PDZD2: variants seen among roughly 807,000 people sequenced by gnomAD.
The protein encoded by PDZD2 is PDZ domain-containing protein 2.
Under a neutral mutation model 220.7 loss-of-function variants are expected in PDZD2, and 90 were observed. The observed-to-expected ratio is 0.41, with a 90% CI of 0.34 to 0.49. PDZD2 has a LOEUF of 0.49. Ranked by LOEUF, PDZD2 falls within the 20% of genes least tolerant of loss-of-function variation. The pLI is 0.28. For missense variants in PDZD2, 3,174 were observed against 3,608.5 expected (o/e 0.88, Z 3.08); for synonymous variants, 1,375 against 1,450.5 (o/e 0.95, Z 1.18).
chr5:31,940,636 C>T (rs1467242906), intron 2 of PDZD2, among the ~76,000 whole-genome samples: 5 of 152,190 alleles, frequency 3.3e-5, no homozygotes, highest in African/African-American at 4.8e-5. Context: ...GTCAGGTAGC[C>T]TAAAGCCACA....
chr5:31,819,719 G>C (rs1370537583), intron 2 of PDZD2, among the ~76,000 whole-genome samples: 2 of 150,920 alleles, frequency 1.3e-5, no homozygotes, highest in Non-Finnish European at 3.0e-5. Flanking sequence ...GTATATGTAT[G>C]AGTATATGTA....
In PDZD2 at chr5:32,083,263, C is replaced by G. The variant is rs1030000832; in HGVS notation, c.3683-3868C>G. On this transcript the variant is annotated intron_variant, in intron 19 of 24. Coordinates refer to ENST00000438447, the MANE Select transcript of PDZD2 (RefSeq NM_178140.4). The surrounding 1 kb of genome is among the most constrained non-coding windows in gnomAD (Gnocchi z 4.1). ...AACAACCTTTTTAAACCTCATACAT[C>G]CACACGAAATAATATTTGAGCAGCC... Among the ~76,000 whole-genome samples the G allele has an allele frequency of 1.3e-5, 2 of 151,972 alleles. No individual in the cohort carries two copies. The highest frequency in any genetic ancestry group is 1.3e-4 in the Admixed American group (2 of 15,260).
Position 32,072,243 on chromosome 5 carries a change from G to A in PDZD2, c.2651G>A (p.Gly884Asp), listed in dbSNP as rs1310751265. ...PGPLSDFMVA[G>D]SEDEDHPGSG... Reference sequence around the variant, plus strand: ...CCCTTGTCAGACTTCATGGTGGCCGGTTCTGAGGACGAGGATCACCCGGGA... The same window carrying A: ...CCCTTGTCAGACTTCATGGTGGCCGATTCTGAGGACGAGGATCACCCGGGA... Residue 884 changes from glycine to aspartate, a missense_variant, in exon 17 of 25, where the codon GGT (glycine) becomes GAT (aspartate). By Grantham distance (94) the Gly-to-Asp change is moderately conservative. Around this residue, in one of 4 missense-constraint regions of PDZD2, gnomAD observed 1,861 missense variants for 2,001.0 expected, o/e 0.93. Transcript: ENST00000438447. 6.2e-7 allele frequency: 1 copy of A among 1,614,090 alleles called. No homozygotes were observed. The highest frequency in any genetic ancestry group is 8.5e-7 in the Non-Finnish European group (1 of 1,179,924).
At chr5:31,887,755 G>A (rs1181991283) in intron 2 of PDZD2, among the ~76,000 whole-genome samples, 1 of 152,046 alleles carries the variant, frequency 6.6e-6, no homozygotes, top group East Asian at 1.9e-4. Context: ...ACTGAGGGTT[G>A]CCTGTGCATG....
chr5:31,891,537 A>T (rs1741042435), intron 2 of PDZD2, among the ~76,000 whole-genome samples: 1 of 147,586 alleles, frequency 6.8e-6, no homozygotes, highest in East Asian at 2.0e-4. Context: ...CTGATCTCGA[A>T]CTCCTGATCT....
In PDZD2 at chr5:31,646,155, G is replaced by A. The variant is rs866261770; in HGVS notation, c.-361+6718G>A. On this transcript the variant is annotated intron_variant, in intron 1 of 24. Coordinates refer to ENST00000438447, the MANE Select transcript of PDZD2 (RefSeq NM_178140.4). This position sits in a 1 kb window ranked among gnomAD's most constrained non-coding sequence, Gnocchi z 4.7. ...TTTCACCAAAGGCCAGCATGTTTCC[G>A]ATGCCTGTCTAAGGTGAACCTGGCT... Among the ~76,000 whole-genome samples, 5 of 152,230 alleles carry A rather than the reference G, an allele frequency of 3.3e-5. No homozygotes were observed. The highest frequency in any genetic ancestry group is 1.9e-4 in the East Asian group (1 of 5,172).
At chr5:32,003,249 CCA>C (rs1561317215) in intron 5 of PDZD2, among the ~76,000 whole-genome samples, 3 of 130,578 alleles carry the variant, frequency 2.3e-5, no homozygotes, top group Non-Finnish European at 4.9e-5. Context: ...CACACACACA[CCA>C]CACACACACC....
chr5:31,891,229 T>C (rs929248372), intron 2 of PDZD2, among the ~76,000 whole-genome samples: 30 of 148,422 alleles, frequency 2.0e-4, no homozygotes, highest in African/African-American at 6.0e-4. Flanking sequence ...CTCAGCCTCC[T>C]GGATTCAAGT....
intron 1 of PDZD2, among the ~76,000 whole-genome samples, chr5:31,777,199 G>T (rs906421090): frequency 1.8e-4 from 27 of 152,188 alleles, no homozygotes; most frequent in Non-Finnish European, 3.5e-4. Context: ...CACTCGGAGT[G>T]GCTGGCAGGT....
intron 1 of PDZD2, among the ~76,000 whole-genome samples, chr5:31,794,080 A>G (rs1158431845): frequency 1.3e-5 from 2 of 152,192 alleles, no homozygotes. Flanking sequence ...AATTTAAAAA[A>G]AAAATCTGTC....
At chr5:32,001,683 G>A (rs2112005322) in intron 5 of PDZD2, among the ~76,000 whole-genome samples, 1 of 152,292 alleles carries the variant, frequency 6.6e-6, no homozygotes, top group Admixed American at 6.5e-5. Flanking sequence ...TTAAAGCACT[G>A]GCTAGTCTGC....
chr5:31,910,423 T>TTG (rs1743075788), intron 2 of PDZD2, among the ~76,000 whole-genome samples: 1 of 149,990 alleles, frequency 6.7e-6, no homozygotes, highest in African/African-American at 2.4e-5. Flanking sequence ...TTTTTTTTTT[T>TTG]TGAGACAGAG....
At chr5:31,735,855 G>T (rs144841337) in intron 1 of PDZD2, among the ~76,000 whole-genome samples, 40 of 152,312 alleles carry the variant, frequency 2.6e-4, no homozygotes, top group African/African-American at 9.6e-4. Context: ...TGAGGCAAGA[G>T]AATTGCTTGA....
chr5:31,825,993 GC>G (rs1256191600), intron 2 of PDZD2, among the ~76,000 whole-genome samples: 4 of 151,830 alleles, frequency 2.6e-5, no homozygotes, highest in African/African-American at 9.7e-5. Context: ...AGCTCCTGAT[GC>G]GAACCAGTTC....
intron 1 of PDZD2, among the ~76,000 whole-genome samples, chr5:31,732,970 G>C (rs1749623845): frequency 6.6e-6 from 1 of 152,270 alleles, no homozygotes; most frequent in South Asian, 2.1e-4. Flanking sequence ...CTCAGGTGAT[G>C]CGCCTGCCTC....
At chr5:32,102,751 C>T (rs1371362249) in intron 24 of PDZD2, among the ~76,000 whole-genome samples, 6 of 151,896 alleles carry the variant, frequency 4.0e-5, no homozygotes, top group East Asian at 3.9e-4. Flanking sequence ...GAAACAGGAC[C>T]GAAGAGGGTA....
At chr5:32,014,902 G>A (rs1253707427) in intron 6 of PDZD2, among the ~76,000 whole-genome samples, 1 of 143,912 alleles carries the variant, frequency 6.9e-6, no homozygotes, top group Non-Finnish European at 1.5e-5. Flanking sequence ...AGAGAACGGG[G>A]TTCCACCATG....
intron 2 of PDZD2, among the ~76,000 whole-genome samples, chr5:31,893,813 T>A (rs879801391): frequency 1.3e-5 from 2 of 152,162 alleles, no homozygotes; most frequent in African/African-American, 2.4e-5. Flanking sequence ...TTAGAAAAAA[T>A]TGGCTTAGAC....
Position 31,865,895 on chromosome 5 carries a change from T to C in PDZD2, c.476+66171T>C, listed in dbSNP as rs183269445. ...ATCTGCCCGCCTCGCCCTCCCAAAA[T>C]GCTGGGATTACAGGCGTGAGCCACC... On this transcript the variant is annotated intron_variant, in intron 2 of 24. Coordinates refer to ENST00000438447, the MANE Select transcript of PDZD2 (RefSeq NM_178140.4). Among the ~76,000 whole-genome samples the C allele has an allele frequency of 5.8e-3, 879 of 151,718 alleles. 8 individuals carry two copies. Among genetic ancestry groups the C allele is most frequent in the African/African-American group, 0.02 (829 of 41,356 alleles).
Sources: gnomAD v4.1 joint callset for allele counts (sites outside exome capture counted in the v4.1 genomes callset) on GRCh38, gnomAD v4.1.1 for gene constraint, gnomAD v4.1.1 regional missense constraint, Gnocchi (gnomAD v3.1) non-coding constraint, MANE v1.5 for transcripts, NCBI Gene and HGNC (gene_info 2026-07-23, HGNC 2026-07-21) for gene names.